The following CUX1 variants were observed in gnomAD, a reference collection of about 807,000 sequenced individuals.
CUX1 encodes the protein cut like homeobox 1, also known as protein CASP.
A neutral mutation model predicts 158.8 loss-of-function variants in CUX1; 31 were observed. That is an observed-to-expected ratio of 0.20 (90% CI 0.15 to 0.26). The LOEUF (loss-of-function observed/expected upper bound fraction) is 0.26. Ranked by LOEUF, CUX1 falls within the 10% of genes least tolerant of loss-of-function variation. The pLI, the probability that CUX1 is intolerant of heterozygous loss-of-function variation, is 1.00. For synonymous variants in CUX1, 879 were observed against 862.1 expected (o/e 1.02, Z -0.34); for missense variants, 1,589 against 2,014.6 (o/e 0.79, Z 4.04).
intron 2 of CUX1, among the ~76,000 whole-genome samples, chr7:101,938,523 A>T (rs2129133229): frequency 6.6e-6 from 1 of 152,264 alleles, no homozygotes; most frequent in South Asian, 2.1e-4. Context: ...AAAAAGTCAG[A>T]TTTACACTCA....
At chr7:102,216,657 TCC>T (rs1563425896) in intron 20 of CUX1, among the ~76,000 whole-genome samples, 2 of 33,596 alleles carry the variant, frequency 6.0e-5, no homozygotes, top group Non-Finnish European at 1.2e-4. Flanking sequence ...ACACACACTC[TCC>T]CACACACACT....
chr7:101,999,544 G>A (rs758669269), intron 2 of CUX1, among the ~76,000 whole-genome samples: 2 of 152,132 alleles, frequency 1.3e-5, no homozygotes, highest in Non-Finnish European at 2.9e-5. Flanking sequence ...TAGAAAGCAG[G>A]ATTGCCACCA....
chr7:102,216,568 C>CCA lies in CUX1; in HGVS notation c.3131-10789_3131-10788dup, dbSNP rs1186856307. On this transcript the variant is annotated intron_variant, in intron 20 of 23. Coordinates refer to ENST00000292535, the MANE Select transcript of CUX1 (RefSeq NM_181552.4). ...CACACCCACACACGCACACACACTC[C>CCA]CACACACACACTCTCCCACACACAC... Among the ~76,000 whole-genome samples the CCA allele has an allele frequency of 7.4e-3, 544 of 73,080 alleles. 15 individuals carry two copies. The highest frequency in any genetic ancestry group is 0.024 in the African/African-American group (510 of 20,882). 47.9% of individuals were successfully genotyped at this position (73,080 alleles called of 152,430 possible).
At chr7:102,224,158 T>C (rs1798117491) in intron 20 of CUX1, among the ~76,000 whole-genome samples, 1 of 152,216 alleles carries the variant, frequency 6.6e-6, no homozygotes, top group South Asian at 2.1e-4. Context: ...GCGAGTAAAC[T>C]ATCTCCCAGG....
In CUX1 at chr7:101,916,956, G is replaced by A. The variant is rs903991367; in HGVS notation, c.141+731G>A. On this transcript the variant is annotated intron_variant, in intron 2 of 23. Coordinates refer to ENST00000292535, the MANE Select transcript of CUX1 (RefSeq NM_181552.4). This position sits in a 1 kb window ranked among gnomAD's most constrained non-coding sequence, Gnocchi z 4.4. ...GCGTGTTGCAGGCAGATGAGCAGTC[G>A]CGGGAATGGCTTTCCGGGTGACATC... 6.6e-5 allele frequency among the ~76,000 whole-genome samples: 10 copies of A among 151,510 alleles called. No homozygotes were observed. Among genetic ancestry groups the A allele is most frequent in the African/African-American group, 1.5e-4 (6 of 41,236 alleles).
At chr7:102,098,750 C>T (rs531860076) in intron 5 of CUX1, among the ~76,000 whole-genome samples, 3 of 151,258 alleles carry the variant, frequency 2.0e-5, no homozygotes, top group East Asian at 2.0e-4. Flanking sequence ...ACGCCATTCT[C>T]CTGCCTCAGC....
At chr7:101,977,503 A>G (rs558095266) in intron 2 of CUX1, among the ~76,000 whole-genome samples, 1 of 152,252 alleles carries the variant, frequency 6.6e-6, no homozygotes, top group East Asian at 1.9e-4. Context: ...TTAGCCAGGC[A>G]TGATGGTGCA....
At chr7:101,926,207 T>G (rs1180298170) in intron 2 of CUX1, among the ~76,000 whole-genome samples, 1 of 152,188 alleles carries the variant, frequency 6.6e-6, no homozygotes, top group Non-Finnish European at 1.5e-5. Flanking sequence ...CACCTACTGT[T>G]AAGTTATAAT....
At position 102,227,440 on chromosome 7, in the gene CUX1, G is replaced by T; in HGVS notation, c.3204G>T (p.Lys1068Asn). The T allele has an allele frequency of 6.2e-7, 1 of 1,613,986 alleles. No homozygotes were observed. Among genetic ancestry groups the T allele is most frequent in the Non-Finnish European group, 8.5e-7 (1 of 1,180,028 alleles). ...ESPMSSSESVKSLTELVQQPC... is the reference protein window; with the variant it reads ...ESPMSSSESVNSLTELVQQPC... ...CGATGAGTTCCAGTGAGTCGGTGAA[G>T]AGCCTGACCGAGCTGGTCCAGCAGC... The change falls in exon 21 of 24, where the codon AAG (lysine) becomes AAT (asparagine). Residue 1068 changes from lysine (K) to asparagine (N), a missense_variant. By Grantham distance (94) the Lys-to-Asn change is moderately conservative. This residue lies in a region of CUX1 where 259 missense variants were observed against 373.8 expected (regional missense o/e 0.69). Coordinates refer to ENST00000292535, the MANE Select transcript of CUX1 (RefSeq NM_181552.4).
rs35391223 is a variant in CUX1, at chr7:102,257,306, CT to C, written c.*8275del. On this transcript the variant is annotated 3_prime_UTR_variant, in exon 24 of 24. Transcript: ENST00000292535. Reference sequence around the variant, plus strand: ...CAATGGTCCCCATCTCCCCAGAAGCCTTTTTTTTTTTCATTTTTCTCTAATT... The same window carrying C: ...CAATGGTCCCCATCTCCCCAGAAGCCTTTTTTTTTTCATTTTTCTCTAATT... 1,748 of 790,078 alleles carry C rather than the reference CT, an allele frequency of 2.2e-3. 3 individuals carry two copies. Among genetic ancestry groups the C allele is most frequent in the South Asian group, 0.018 (300 of 16,740 alleles). 48.9% of individuals were successfully genotyped at this position (790,078 alleles called of 1,614,324 possible). A position where few individuals can be genotyped will look rare whatever the true frequency, so the allele number is the denominator to read the frequency against.
chr7:101,856,999 A>C (rs1312779218), intron 1 of CUX1, among the ~76,000 whole-genome samples: 2 of 151,990 alleles, frequency 1.3e-5, no homozygotes, highest in African/African-American at 4.8e-5. Flanking sequence ...CCCATCCTTC[A>C]GCCTCTGAAG....
intron 3 of CUX1, among the ~76,000 whole-genome samples, chr7:102,059,143 A>G (rs1824484354): frequency 6.6e-6 from 1 of 152,224 alleles, no homozygotes; most frequent in South Asian, 2.1e-4. Context: ...TTTCAGATAG[A>G]TGTTGACAGC....
At chr7:101,906,554 G>A (rs919306964) in intron 1 of CUX1, among the ~76,000 whole-genome samples, 1 of 151,938 alleles carries the variant, frequency 6.6e-6, no homozygotes, top group Non-Finnish European at 1.5e-5. Flanking sequence ...AGCCACAGAA[G>A]GCATTTGAGC....
chr7:102,199,231 C>G (rs1469900668), intron 16 of CUX1, among the ~76,000 whole-genome samples: 5 of 152,232 alleles, frequency 3.3e-5, no homozygotes, highest in Non-Finnish European at 5.9e-5. Context: ...TTAAATACTG[C>G]TGCTTCCTCG....
intron 3 of CUX1, among the ~76,000 whole-genome samples, chr7:102,049,622 T>C (rs1697984978): frequency 6.6e-6 from 1 of 151,996 alleles, no homozygotes; most frequent in Admixed American, 6.6e-5. Flanking sequence ...GGAGGATCAC[T>C]TGAGCCCAGG....
chr7:101,917,065 G>A (rs1202946460), intron 2 of CUX1, among the ~76,000 whole-genome samples: 3 of 152,184 alleles, frequency 2.0e-5, no homozygotes, highest in Admixed American at 6.5e-5. Context: ...GGAAGGGGTC[G>A]CAGCAGCCCA....
chr7:101,844,628 T>C (rs1317939406), intron 1 of CUX1, among the ~76,000 whole-genome samples: 3 of 152,178 alleles, frequency 2.0e-5, no homozygotes, highest in Non-Finnish European at 4.4e-5. Flanking sequence ...TTCTTTTTGT[T>C]TTTCCGAGAC....
At chr7:102,264,876 C>T (rs542399038) in intron 14 of CUX1, 8 of 152,516 alleles carry the variant, frequency 5.2e-5, no homozygotes, top group African/African-American at 1.9e-4. Flanking sequence ...CCTCATGGTT[C>T]TGCTCTTAGT....
chr7:102,059,597 A>C (rs1197595303), intron 3 of CUX1, among the ~76,000 whole-genome samples: 1 of 147,464 alleles, frequency 6.8e-6, no homozygotes, highest in Non-Finnish European at 1.5e-5. Context: ...GTGCCACCTC[A>C]CTCCAGCCTG....
Sources: allele counts gnomAD v4.1 joint callset (sites outside exome capture counted in the v4.1 genomes callset), GRCh38; gene constraint gnomAD v4.1.1; regional missense constraint gnomAD v4.1.1; non-coding constraint Gnocchi (gnomAD v3.1); transcripts MANE v1.5; gene names NCBI Gene and HGNC (gene_info 2026-07-23, HGNC 2026-07-21).